AVEN: variants seen among roughly 807,000 people sequenced by gnomAD.
The protein encoded by AVEN is apoptosis and caspase activation inhibitor, also known as cell death regulator Aven.
AVEN carries 41 observed loss-of-function variants against 38.1 expected under a neutral mutation model. The ratio of observed to expected loss-of-function variants is 1.08; its 90% CI spans 0.84 to 1.40. AVEN has a LOEUF of 1.40. Among genes scored for constraint, AVEN ranks in the 40% most tolerant of loss-of-function variants. AVEN has a pLI of 0.00. For missense variants in AVEN, 605 were observed against 438.8 expected (o/e 1.38, Z -3.38); for synonymous variants, 206 against 171.8 (o/e 1.20, Z -1.56).
At chr15:34,007,101 T>C in intron 1 of AVEN, 3 of 976,784 alleles carry the variant, frequency 3.1e-6, no homozygotes, top group Non-Finnish European at 3.6e-6. Context: ...TCCATTTAGA[T>C]TAATAAGCTG....
intron 2 of AVEN, among the ~76,000 whole-genome samples, chr15:33,950,132 T>C (rs918147714): frequency 6.6e-6 from 1 of 152,242 alleles, no homozygotes; most frequent in Non-Finnish European, 1.5e-5. Flanking sequence ...AAATATTGTA[T>C]GATCTCACTT....
At chr15:33,876,482 G>C (rs1891237010) in intron 2 of AVEN, among the ~76,000 whole-genome samples, 1 of 152,082 alleles carries the variant, frequency 6.6e-6, no homozygotes, top group Non-Finnish European at 1.5e-5. Flanking sequence ...TGAGGCAGGA[G>C]AATCGCTTCA....
In AVEN at chr15:34,069,661, A is replaced by C. The variant is rs567564977; in HGVS notation, n.784+927T>G. Among the ~76,000 whole-genome samples, 22 of 152,244 alleles carry C rather than the reference A, an allele frequency of 1.4e-4. No individual in the cohort carries two copies. The East Asian group carries it at 3.9e-3, about 27-fold the overall frequency. On this transcript the variant is annotated intron_variant and non_coding_transcript_variant, in intron 2 of 11. Coordinates refer to the AVEN transcript ENST00000675287. ...TTTAAGTACACTAACCTTTTAAGTA[A>C]AGTTCCAAGATTTGCTTATAATTTT...
chr15:33,984,657 C>A (rs1896342705), intron 2 of AVEN, among the ~76,000 whole-genome samples: 1 of 152,146 alleles, frequency 6.6e-6, no homozygotes, highest in South Asian at 2.1e-4. Flanking sequence ...CCGTCTTGGC[C>A]TCCCAAAGTG....
At chr15:33,995,814 T>C (rs1466589816) in intron 2 of AVEN, among the ~76,000 whole-genome samples, 3 of 152,198 alleles carry the variant, frequency 2.0e-5, no homozygotes, top group Non-Finnish European at 4.4e-5. Flanking sequence ...ACCTGGTTCA[T>C]CTCATTCGGA....
intron 1 of AVEN, among the ~76,000 whole-genome samples, chr15:34,006,640 A>C (rs777065779): frequency 6.6e-6 from 1 of 152,228 alleles, no homozygotes; most frequent in African/African-American, 2.4e-5. Context: ...TGGTCCTGCC[A>C]AGTGTTTATA....
intron 1 of AVEN, 39 bp downstream of exon 1, chr15:34,038,741 T>C: frequency 8.8e-7 from 1 of 1,140,106 alleles, no homozygotes; most frequent in East Asian, 4.2e-5. Context: ...CTTGCCCCAG[T>C]TACACGCGGT....
At position 34,003,191 on chromosome 15, in the gene AVEN, C is replaced by G. The variant is rs765069291; in HGVS notation, c.286G>C (p.Ala96Pro). 1.2e-6 allele frequency: 2 copies of G among 1,613,362 alleles called. No homozygotes were observed. Among genetic ancestry groups the G allele is most frequent in the Non-Finnish European group, 1.7e-6 (2 of 1,179,848 alleles). The change falls in exon 2 of 6, where the codon GCA (alanine) becomes CCA (proline). Residue 96 changes from alanine (A) to proline (P), a missense_variant. By Grantham distance (27) the Ala-to-Pro change is conservative. Coordinates refer to ENST00000306730, the MANE Select transcript of AVEN (RefSeq NM_020371.3). ...TCATTCTCTTCTCCATAGGTCTCTG[C>G]ATCGCTGTCATCTTCAACCTGCAAT... ...ASAPVEDDSDAETYGEENDEQ... is the reference protein window; with the variant it reads ...ASAPVEDDSDPETYGEENDEQ...
intron 2 of AVEN, among the ~76,000 whole-genome samples, chr15:33,948,341 C>G (rs567985919): frequency 6.6e-6 from 1 of 151,538 alleles, no homozygotes. Flanking sequence ...GTGATCCACC[C>G]GGCTCGGCCT....
intron 2 of AVEN, chr15:33,990,857 G>A (rs966875793): frequency 1.3e-5 from 2 of 152,180 alleles, no homozygotes; most frequent in Non-Finnish European, 2.9e-5. Flanking sequence ...AATTCAACAG[G>A]TTAAATTACC....
intron 2 of AVEN, among the ~76,000 whole-genome samples, chr15:33,933,244 C>T (rs1893917671): frequency 6.6e-6 from 1 of 152,026 alleles, no homozygotes; most frequent in South Asian, 2.1e-4. Flanking sequence ...GGAATATATT[C>T]AAAAGACAGC....
chr15:33,983,219 T>TAC (rs1264816631), intron 2 of AVEN, among the ~76,000 whole-genome samples: 2 of 113,500 alleles, frequency 1.8e-5, no homozygotes, highest in African/African-American at 9.6e-5. Context: ...TATATACATA[T>TAC]ATATACACAC....
At chr15:34,026,591 C>T (rs922887682) in intron 1 of AVEN, among the ~76,000 whole-genome samples, 2 of 151,830 alleles carry the variant, frequency 1.3e-5, no homozygotes, top group Non-Finnish European at 2.9e-5. Flanking sequence ...ATCAGGTACT[C>T]AAATTTTCCA....
intron 2 of AVEN, among the ~76,000 whole-genome samples, chr15:33,962,297 C>CAGAT (rs1347747714): frequency 1.3e-5 from 2 of 152,106 alleles, no homozygotes. Flanking sequence ...TAAGAATTAC[C>CAGAT]AGATCCACAG....
intron 2 of AVEN, among the ~76,000 whole-genome samples, chr15:33,960,356 C>T (rs549632590): frequency 4.5e-4 from 69 of 152,166 alleles, no homozygotes; most frequent in Middle Eastern, 6.8e-3. Flanking sequence ...AAATGCACTA[C>T]CACAATCAGG....
intron 5 of AVEN, 120 bp from the exon 6 acceptor site, chr15:33,866,848 TA>T (rs1313268710): frequency 1.4e-6 from 1 of 707,998 alleles, no homozygotes; most frequent in Non-Finnish European, 2.4e-6. Flanking sequence ...TCTTACTCCC[TA>T]AGATGATACA....
intron 2 of AVEN, among the ~76,000 whole-genome samples, chr15:33,956,069 G>A (rs1435346021): frequency 6.6e-6 from 1 of 152,144 alleles, no homozygotes; most frequent in Non-Finnish European, 1.5e-5. Flanking sequence ...TGGGGTAAGT[G>A]ACTCCCTCGG....
intron 2 of AVEN, among the ~76,000 whole-genome samples, chr15:34,000,391 C>T (rs1243136106): frequency 6.6e-6 from 1 of 152,114 alleles, no homozygotes; most frequent in East Asian, 1.9e-4. Flanking sequence ...CACTAGATAC[C>T]ATTCAATCAA....
chr15:33,884,381 A>C (rs1426502760), intron 2 of AVEN, among the ~76,000 whole-genome samples: 1 of 152,212 alleles, frequency 6.6e-6, no homozygotes, highest in East Asian at 1.9e-4. Flanking sequence ...AATTTCCTAA[A>C]ATTATGCCTA....
Sources: allele counts gnomAD v4.1 joint callset (sites outside exome capture counted in the v4.1 genomes callset), GRCh38; gene constraint gnomAD v4.1.1; transcripts MANE v1.5; gene names NCBI Gene and HGNC (gene_info 2026-07-23, HGNC 2026-07-21).